Variants in SLC8A3 observed in about 807,000 individuals in gnomAD.
SLC8A3 encodes sodium/calcium exchanger 3.
In SLC8A3, 37 loss-of-function variants were observed where a neutral mutation model predicts 65.4. The observed-to-expected ratio is 0.57, with a 90% CI of 0.44 to 0.74. SLC8A3 has a LOEUF of 0.74. SLC8A3 is among the 30% of genes least tolerant of loss of function. SLC8A3 has a pLI of 0.00. For synonymous variants in SLC8A3, 461 were observed against 444.5 expected (o/e 1.04, Z -0.47); for missense variants, 1,112 against 1,172.1 (o/e 0.95, Z 0.75).
At chr14:70,185,356 G>A (rs1031666185) in intron 1 of SLC8A3, among the ~76,000 whole-genome samples, 10 of 152,236 alleles carry the variant, frequency 6.6e-5, no homozygotes, top group African/African-American at 2.4e-4. Flanking sequence ...GGCAATGACT[G>A]AATCATGCAG....
At chr14:70,131,973 C>T (rs1401445865) in intron 2 of SLC8A3, among the ~76,000 whole-genome samples, 1 of 152,178 alleles carries the variant, frequency 6.6e-6, no homozygotes, top group Non-Finnish European at 1.5e-5. Context: ...ACATTTCCAT[C>T]TGGGGGAATA....
intron 2 of SLC8A3, among the ~76,000 whole-genome samples, chr14:70,162,733 C>A (rs771417863): frequency 6.6e-6 from 1 of 152,166 alleles, no homozygotes; most frequent in Non-Finnish European, 1.5e-5. Context: ...GGCCATAATT[C>A]TCAAGAAGTG....
At chr14:70,104,280 G>A (rs1274570807) in intron 2 of SLC8A3, among the ~76,000 whole-genome samples, 1 of 151,988 alleles carries the variant, frequency 6.6e-6, no homozygotes, top group Non-Finnish European at 1.5e-5. Context: ...TCACCTCATT[G>A]TCATATATAG....
chr14:70,061,550 G>C (rs1206651570), intron 2 of SLC8A3, among the ~76,000 whole-genome samples: 1 of 147,616 alleles, frequency 6.8e-6, no homozygotes, highest in African/African-American at 2.6e-5. Context: ...GAGAGAGAGA[G>C]AGTGAGAGAG....
chr14:70,066,680 G>A (rs950252533), intron 2 of SLC8A3, among the ~76,000 whole-genome samples: 1 of 152,172 alleles, frequency 6.6e-6, no homozygotes, highest in Non-Finnish European at 1.5e-5. Flanking sequence ...CCATGGTGGT[G>A]CATGCCTGTA....
rs1205251980 is a variant in SLC8A3, at chr14:70,048,928, G to A, written c.2228C>T (p.Thr743Ile). ...GCAGGCCCAGCCGTGGCAGTACTCT[G>A]TGGGGGGCACACAGGCAAACAGCAC... is the stretch of plus-strand genomic sequence containing the variant. ...WKVLFACVPPTEYCHGWACFA... is the reference protein window; with the variant it reads ...WKVLFACVPPIEYCHGWACFA... The change falls in exon 6 of 7, where the codon ACA becomes ATA. Residue 743 changes from threonine (T) to isoleucine (I), a missense_variant. Physicochemically the swap from Thr to Ile is moderately conservative, Grantham distance 89 (BLOSUM62 -1). Transcript: ENST00000356921. 1.2e-6 allele frequency: 2 copies of A among 1,614,248 alleles called. No homozygotes were observed. Among genetic ancestry groups the A allele is most frequent in the South Asian group, 1.1e-5 (1 of 91,080 alleles).
chr14:70,054,928 G>A (rs910466448), intron 3 of SLC8A3, among the ~76,000 whole-genome samples: 2 of 152,098 alleles, frequency 1.3e-5, no homozygotes, highest in African/African-American at 4.8e-5. Flanking sequence ...CTGATGAAAT[G>A]TAAGACGTTC....
intron 1 of SLC8A3, among the ~76,000 whole-genome samples, chr14:70,184,496 C>A (rs1335529171): frequency 2.6e-5 from 4 of 152,148 alleles, no homozygotes; most frequent in African/African-American, 9.7e-5. Context: ...TCACTCATAA[C>A]ACTTTCTCCC....
At chr14:70,116,438 T>G (rs768661417) in intron 2 of SLC8A3, among the ~76,000 whole-genome samples, 3 of 152,064 alleles carry the variant, frequency 2.0e-5, no homozygotes, top group Admixed American at 6.6e-5. Context: ...GAACTTTGGC[T>G]CTAAGGAACA....
chr14:70,184,475 T>A (rs2140450822), intron 1 of SLC8A3, among the ~76,000 whole-genome samples: 1 of 152,310 alleles, frequency 6.6e-6, no homozygotes, highest in Admixed American at 6.5e-5. Context: ...GGTCTTTACA[T>A]ATGAATCCCT....
At position 70,159,382 on chromosome 14, in the gene SLC8A3, C is replaced by T. The variant is rs575236881; in HGVS notation, c.1784+7257G>A. Reference sequence around the variant, plus strand: ...CAGATTATGCCACTTCACTTCACTCCAGCCTGGGCAACAGAGCAAGACTCT... The same window carrying T: ...CAGATTATGCCACTTCACTTCACTCTAGCCTGGGCAACAGAGCAAGACTCT... On this transcript the variant is annotated intron_variant, in intron 2 of 6. Coordinates refer to ENST00000356921, the MANE Select transcript of SLC8A3 (RefSeq NM_182932.3). Among the ~76,000 whole-genome samples the T allele has an allele frequency of 2.9e-4, 43 of 149,782 alleles. 1 individual carries two copies. In the South Asian group the frequency reaches 9.0e-3, roughly 31 times the overall value.
chr14:70,117,653 A>G (rs1041243340), intron 2 of SLC8A3, among the ~76,000 whole-genome samples: 2 of 152,136 alleles, frequency 1.3e-5, no homozygotes, highest in Admixed American at 6.6e-5. Context: ...CTGTCTCTAG[A>G]GAGACTACTT....
At chr14:70,170,140 C>G (rs1442149565) in intron 1 of SLC8A3, among the ~76,000 whole-genome samples, 2 of 152,168 alleles carry the variant, frequency 1.3e-5, no homozygotes, top group African/African-American at 2.4e-5. Context: ...TATCGCTCCC[C>G]TGTTTGAAGC....
intron 1 of SLC8A3, among the ~76,000 whole-genome samples, chr14:70,172,681 G>GAA (rs147893506): frequency 1.6e-3 from 173 of 105,116 alleles, no homozygotes; most frequent in East Asian, 0.014. Context: ...GATTAAAAAA[G>GAA]AAAAAAAAAA....
intron 2 of SLC8A3, among the ~76,000 whole-genome samples, chr14:70,086,614 G>T (rs890150638): frequency 1.3e-5 from 2 of 151,916 alleles, no homozygotes; most frequent in African/African-American, 2.4e-5. Context: ...ATGTTGGCCA[G>T]GCTGGTCTCG....
intron 4 of SLC8A3, 125 bp downstream of exon 4, chr14:70,051,865 G>A (rs1045621802): frequency 4.2e-6 from 3 of 720,484 alleles, no homozygotes; most frequent in Non-Finnish European, 4.6e-6. Flanking sequence ...ACCTGGGGTG[G>A]GTAAGTGATT....
intron 2 of SLC8A3, among the ~76,000 whole-genome samples, chr14:70,117,361 G>A (rs1893738648): frequency 6.6e-6 from 1 of 152,212 alleles, no homozygotes; most frequent in African/African-American, 2.4e-5. Context: ...GATCCACTGA[G>A]GTCTTTGTGT....
intron 2 of SLC8A3, among the ~76,000 whole-genome samples, chr14:70,156,771 G>A (rs1156324140): frequency 6.6e-6 from 1 of 152,164 alleles, no homozygotes; most frequent in African/African-American, 2.4e-5. Context: ...GGGAGGGAGA[G>A]CCTCAGGAGT....
rs17107860 is a variant in SLC8A3, at chr14:70,153,814, G to A, written c.1784+12825C>T. ...CCTGCTCTCATCTCATCACTGCCCC[G>A]TCTAGCCCTTGATCCTGGCTGCCCT... is the stretch of plus-strand genomic sequence containing the variant. On this transcript the variant is annotated intron_variant, in intron 2 of 6. Coordinates refer to ENST00000356921, the MANE Select transcript of SLC8A3 (RefSeq NM_182932.3). Among the ~76,000 whole-genome samples the A allele has an allele frequency of 0.013, 2,014 of 152,306 alleles. 99 individuals carry two copies. In the East Asian group the frequency reaches 0.14, roughly 10 times the overall value.
Sources: gnomAD v4.1 joint callset for allele counts (sites outside exome capture counted in the v4.1 genomes callset) on GRCh38, gnomAD v4.1.1 for gene constraint, MANE v1.5 for transcripts, NCBI Gene and HGNC (gene_info 2026-07-23, HGNC 2026-07-21) for gene names.